The following ACTN1 variants were observed in gnomAD, a reference collection of about 807,000 sequenced individuals.
ACTN1 encodes the protein actinin alpha 1.
ACTN1 carries 30 observed loss-of-function variants against 119.6 expected under a neutral mutation model. The ratio of observed to expected loss-of-function variants is 0.25; its 90% CI spans 0.19 to 0.34. ACTN1 has a LOEUF of 0.34. ACTN1 is among the 10% of genes least tolerant of loss of function. ACTN1 has a pLI of 1.00. For synonymous variants in ACTN1, 429 were observed against 472.6 expected (o/e 0.91, Z 1.20); for missense variants, 764 against 1,223.4 (o/e 0.62, Z 5.60).
In ACTN1 at chr14:68,879,571, C is replaced by T. The variant is rs913044624; in HGVS notation, c.2280+391G>A. Among the ~76,000 whole-genome samples, 1 of 152,118 alleles carries T rather than the reference C, an allele frequency of 6.6e-6. No homozygotes were observed. The highest frequency in any genetic ancestry group is 2.4e-5 in the African/African-American group (1 of 41,420). On this transcript the variant is annotated intron_variant, in intron 18 of 21. Transcript: ENST00000394419. This position sits in a 1 kb window ranked among gnomAD's most constrained non-coding sequence, Gnocchi z 4.9. ...AGGCCTCTGACATCCCCAGCAGAGT[C>T]CCAGAGGCCACTGGAGGTCGGGGTA...
chr14:68,891,297 A>G (rs934321156), intron 10 of ACTN1, among the ~76,000 whole-genome samples: 3 of 152,230 alleles, frequency 2.0e-5, no homozygotes, highest in Non-Finnish European at 2.9e-5. Context: ...TTGTGGGGAC[A>G]GGGTCAAGAA....
chr14:68,945,741 G>A (rs2035924326), intron 1 of ACTN1, among the ~76,000 whole-genome samples: 1 of 152,192 alleles, frequency 6.6e-6, no homozygotes, highest in South Asian at 2.1e-4. Flanking sequence ...CAGGCAGAGA[G>A]GCCACAGCTT....
At chr14:68,876,871 TGGAA>T (rs2030955944) in intron 21 of ACTN1, among the ~76,000 whole-genome samples, 1 of 152,208 alleles carries the variant, frequency 6.6e-6, no homozygotes, top group South Asian at 2.1e-4. Context: ...GCAGTGATCC[TGGAA>T]GGGTCACTTA....
In ACTN1 at chr14:68,879,865, C is replaced by T; in HGVS notation, c.2280+97G>A. 1.3e-6 allele frequency: 2 copies of T among 1,516,906 alleles called. No homozygotes were observed. Among genetic ancestry groups the T allele is most frequent in the Non-Finnish European group, 1.8e-6 (2 of 1,120,842 alleles). 94.0% of individuals were successfully genotyped at this position (1,516,906 alleles called of 1,614,324 possible). ...GCAGTTTCCCCTTTCTCTCCCTCCT[C>T]ACTTGCATGGCAGCCCACGTCCCGG... On this transcript the variant is annotated intron_variant, in intron 18 of 21. Coordinates refer to ENST00000394419, the MANE Select transcript of ACTN1 (RefSeq NM_001130004.2). The surrounding 1 kb of genome is among the most constrained non-coding windows in gnomAD (Gnocchi z 4.9).
chr14:68,908,322 G>A (rs1353931231), intron 6 of ACTN1, among the ~76,000 whole-genome samples: 1 of 152,152 alleles, frequency 6.6e-6, no homozygotes, highest in Non-Finnish European at 1.5e-5. Context: ...TTGCACAGCA[G>A]CTCCTGCCCC....
chr14:68,932,041 C>A (rs1469129455), intron 1 of ACTN1, among the ~76,000 whole-genome samples: 1 of 151,826 alleles, frequency 6.6e-6, no homozygotes, highest in African/African-American at 2.4e-5. Flanking sequence ...TCAAGGTGCA[C>A]ACTACCATGC....
intron 1 of ACTN1, among the ~76,000 whole-genome samples, chr14:68,965,469 G>C (rs1291101459): frequency 6.6e-6 from 1 of 152,242 alleles, no homozygotes; most frequent in African/African-American, 2.4e-5. Flanking sequence ...CACCAGGCCT[G>C]TGGGTCAGCC....
At chr14:68,899,522 A>G (rs894226518) in intron 8 of ACTN1, among the ~76,000 whole-genome samples, 3 of 147,656 alleles carry the variant, frequency 2.0e-5, no homozygotes, top group Non-Finnish European at 4.5e-5. Context: ...CATACCATAC[A>G]CACACACCTC....
intron 1 of ACTN1, among the ~76,000 whole-genome samples, chr14:68,944,663 G>A (rs907695682): frequency 2.0e-5 from 3 of 152,152 alleles, no homozygotes; most frequent in African/African-American, 7.2e-5. Flanking sequence ...GATCCTGGGG[G>A]GCTGTAGGGG....
At chr14:68,926,020 A>ACCTCT (rs1488517177) in intron 1 of ACTN1, among the ~76,000 whole-genome samples, 3 of 152,250 alleles carry the variant, frequency 2.0e-5, no homozygotes, top group African/African-American at 7.2e-5. Context: ...CTCTTAAGTT[A>ACCTCT]TAAGACTTAG....
intron 14 of ACTN1, 128 bp from the exon 15 acceptor site, chr14:68,883,183 G>C (rs2031715956): frequency 2.9e-6 from 3 of 1,025,414 alleles, no homozygotes; most frequent in Non-Finnish European, 4.3e-6. Flanking sequence ...GATTCTTGTG[G>C]CTGAGAACCA....
chr14:68,891,988 A>C, intron 10 of ACTN1, 65 bp downstream of exon 10: 1 of 1,581,734 alleles, frequency 6.3e-7, no homozygotes, highest in Non-Finnish European at 8.6e-7. Context: ...TTTGACCACA[A>C]CTAGGAGCAG....
At chr14:68,914,082 C>T (rs748683847) in intron 3 of ACTN1, among the ~76,000 whole-genome samples, 5 of 151,930 alleles carry the variant, frequency 3.3e-5, no homozygotes, top group Non-Finnish European at 7.4e-5. Flanking sequence ...ATTAAACAGG[C>T]ATGGTAGTGC....
intron 1 of ACTN1, among the ~76,000 whole-genome samples, chr14:68,969,467 GGGAACTCGACT>G (rs2036808932): frequency 6.6e-6 from 1 of 152,190 alleles, no homozygotes; most frequent in Admixed American, 6.5e-5. Context: ...ACAAAATATC[GGGAACTCGACT>G]GGAAAGCGCC....
intron 1 of ACTN1, among the ~76,000 whole-genome samples, chr14:68,938,173 A>G (rs10135072): frequency 0.036 from 5,511 of 152,296 alleles, 304 homozygotes; most frequent in African/African-American, 0.13. Flanking sequence ...TCATGCGCTG[A>G]TGAAAAGCAG....
At chr14:68,928,125 TG>T (rs2035023468) in intron 1 of ACTN1, among the ~76,000 whole-genome samples, 1 of 152,150 alleles carries the variant, frequency 6.6e-6, no homozygotes, top group Non-Finnish European at 1.5e-5. Flanking sequence ...CCCGCCCAGC[TG>T]GGGGCTATAA....
At chr14:68,902,593 C>T in intron 7 of ACTN1, 31 bp from the exon 8 acceptor site, 1 of 1,598,926 alleles carries the variant, frequency 6.3e-7, no homozygotes, top group East Asian at 2.2e-5. Context: ...TTAAAGCCAG[C>T]TGGTTCCAAG....
intron 9 of ACTN1, among the ~76,000 whole-genome samples, chr14:68,892,687 T>G (rs1266729643): frequency 6.6e-6 from 1 of 152,120 alleles, no homozygotes; most frequent in Non-Finnish European, 1.5e-5. Context: ...TTCCAGAAGT[T>G]CTTGCCATCT....
Position 68,882,425 on chromosome 14 carries a change from A to T in ACTN1, c.1953+33T>A, listed in dbSNP as rs777852191. ...GATAGTGTCGGGGGGGAGGGGTGGG[A>T]GCCCCAGCACTGCTTCCCAGCATGG... On this transcript the variant is annotated intron_variant, in intron 16 of 21. Coordinates refer to ENST00000394419, the MANE Select transcript of ACTN1 (RefSeq NM_001130004.2). This position sits in a 1 kb window ranked among gnomAD's most constrained non-coding sequence, Gnocchi z 4.5. 6.2e-7 allele frequency: 1 copy of T among 1,605,510 alleles called. No homozygotes were observed. Among genetic ancestry groups the T allele is most frequent in the South Asian group, 1.1e-5 (1 of 90,496 alleles).
Sources: gnomAD v4.1 joint callset for allele counts (sites outside exome capture counted in the v4.1 genomes callset) on GRCh38, gnomAD v4.1.1 for gene constraint, Gnocchi (gnomAD v3.1) non-coding constraint, MANE v1.5 for transcripts, NCBI Gene and HGNC (gene_info 2026-07-23, HGNC 2026-07-21) for gene names.